Variants in CSMD1 observed in about 807,000 individuals in gnomAD.
CSMD1 encodes the protein CUB and sushi domain-containing protein 1.
Under a neutral mutation model 417.5 loss-of-function variants are expected in CSMD1, and 213 were observed. The observed-to-expected ratio is 0.51, with a 90% CI of 0.46 to 0.57. The LOEUF (loss-of-function observed/expected upper bound fraction) is 0.57. Among genes scored for constraint, CSMD1 ranks in the 20% least tolerant of loss-of-function variants. The probability of loss-of-function intolerance (pLI) is 0.00; values close to 1 mark genes in which losing one functional copy is unlikely to be tolerated. For missense variants in CSMD1, 6,923 were observed against 4,529.7 expected, an observed-to-expected ratio of 1.53 and a Z score of -15.17; for synonymous variants, 2,862 against 1,736.8, an observed-to-expected ratio of 1.65 and a Z score of -16.11.
chr8:4,270,028 ATTG>A (rs1404512629), intron 3 of CSMD1, among the ~76,000 whole-genome samples: 1 of 152,164 alleles, frequency 6.6e-6, no homozygotes, highest in African/African-American at 2.4e-5. Flanking sequence ...TCTGCAGTGT[ATTG>A]TTGTTTTATG....
chr8:3,745,941 G>C (rs1007084017), intron 6 of CSMD1, among the ~76,000 whole-genome samples: 8 of 152,196 alleles, frequency 5.3e-5, no homozygotes, highest in Non-Finnish European at 1.2e-4. Context: ...CGGGGGGAAA[G>C]GCCAGACTTC....
chr8:4,908,786 AT>A (rs1216658008), intron 1 of CSMD1, among the ~76,000 whole-genome samples: 1 of 151,968 alleles, frequency 6.6e-6, no homozygotes, highest in East Asian at 1.9e-4. Flanking sequence ...TGCATAGCTT[AT>A]CTGCTCTTAC....
chr8:3,305,427 T>G (rs958905951), intron 25 of CSMD1, among the ~76,000 whole-genome samples: 2 of 151,372 alleles, frequency 1.3e-5, no homozygotes, highest in African/African-American at 4.8e-5. Context: ...GTGGGAGCCC[T>G]TATGAGGTGA....
intron 3 of CSMD1, among the ~76,000 whole-genome samples, chr8:4,037,550 T>C (rs2740914): frequency 0.78 from 119,039 of 152,170 alleles, 46,992 homozygotes; most frequent in African/African-American, 0.89. Context: ...AAATCAGACA[T>C]AGCCTTTGCA....
rs1288274825 is a variant in CSMD1, at chr8:3,998,088, G to A, written c.633C>T (p.Thr211=). 1 of 1,579,372 alleles carries A rather than the reference G, an allele frequency of 6.3e-7. No homozygotes were observed. The highest frequency in any genetic ancestry group is 8.6e-7 in the Non-Finnish European group (1 of 1,161,832). Residue 211 remains threonine (T), a synonymous_variant, in exon 5 of 70, where the codon ACC becomes ACT. Transcript: ENST00000635120. ...AGATGGAGCTGCTGGTCCCGCGTAA[G>A]GTTCCTCCGCAGGCTCCCTCAGCTG... The part of the protein sequence containing the change: ...FCRAEGACGG[T]LRGTSSSISS...
intron 6 of CSMD1, among the ~76,000 whole-genome samples, chr8:3,735,894 A>G (rs1194074004): frequency 1.3e-5 from 2 of 152,188 alleles, no homozygotes; most frequent in Non-Finnish European, 1.5e-5. Flanking sequence ...TAGAGTTATA[A>G]ATAAAACAGA....
intron 6 of CSMD1, among the ~76,000 whole-genome samples, chr8:3,715,157 A>C (rs1337119453): frequency 6.6e-6 from 1 of 152,188 alleles, no homozygotes; most frequent in East Asian, 1.9e-4. Context: ...TTAAACACAC[A>C]TTTAATTATT....
intron 3 of CSMD1, among the ~76,000 whole-genome samples, chr8:4,132,134 C>A (rs924408025): frequency 6.6e-6 from 1 of 150,598 alleles, no homozygotes. Flanking sequence ...ACAGTAAGAA[C>A]GACATTTCTA....
chr8:4,740,741 A>C (rs551800881), intron 1 of CSMD1, among the ~76,000 whole-genome samples: 2 of 152,286 alleles, frequency 1.3e-5, no homozygotes, highest in Non-Finnish European at 2.9e-5. Flanking sequence ...CAATAGAGCA[A>C]GATCCTGTCT....
chr8:3,450,595 G>C (rs887877898), intron 12 of CSMD1, among the ~76,000 whole-genome samples: 1 of 150,798 alleles, frequency 6.6e-6, no homozygotes, highest in Non-Finnish European at 1.5e-5. Flanking sequence ...ATAGTTTCCT[G>C]AGAATCATGG....
chr8:3,171,926 A>G (rs536583416), intron 37 of CSMD1, among the ~76,000 whole-genome samples: 2 of 152,312 alleles, frequency 1.3e-5, no homozygotes, highest in East Asian at 3.9e-4. Flanking sequence ...TCAGAAACCC[A>G]CTGTGACTCA....
At chr8:4,898,911 A>G (rs1804680898) in intron 1 of CSMD1, among the ~76,000 whole-genome samples, 1 of 152,190 alleles carries the variant, frequency 6.6e-6, no homozygotes, top group Non-Finnish European at 1.5e-5. Context: ...GTTTAATAAG[A>G]TTAGATTTAG....
chr8:3,950,346 G>C (rs1302773936), intron 5 of CSMD1, among the ~76,000 whole-genome samples: 5 of 152,288 alleles, frequency 3.3e-5, no homozygotes, highest in East Asian at 1.9e-4. Context: ...ACTCTAGCTG[G>C]TCTGCATAAA....
At chr8:4,738,418 G>A (rs528003724) in intron 1 of CSMD1, among the ~76,000 whole-genome samples, 1 of 152,130 alleles carries the variant, frequency 6.6e-6, no homozygotes, top group African/African-American at 2.4e-5. Context: ...GAGAAGGGCT[G>A]AGCGAAGGGG....
intron 3 of CSMD1, among the ~76,000 whole-genome samples, chr8:4,363,556 T>C (rs1465701963): frequency 2.0e-5 from 3 of 152,138 alleles, no homozygotes; most frequent in African/African-American, 2.4e-5. Flanking sequence ...CTACTACAGA[T>C]TGTAGGAAAC....
At chr8:4,857,663 G>A (rs2116859895) in intron 1 of CSMD1, among the ~76,000 whole-genome samples, 1 of 152,180 alleles carries the variant, frequency 6.6e-6, no homozygotes, top group South Asian at 2.1e-4. Flanking sequence ...AGAAAATCTA[G>A]AAGAAATGGA....
intron 37 of CSMD1, among the ~76,000 whole-genome samples, chr8:3,179,850 G>A (rs1175704747): frequency 6.6e-6 from 1 of 152,166 alleles, no homozygotes; most frequent in East Asian, 1.9e-4. Context: ...CACTGAAGTA[G>A]TCCTCTTCAT....
intron 5 of CSMD1, among the ~76,000 whole-genome samples, chr8:3,961,458 T>C (rs1034844515): frequency 5.3e-5 from 8 of 152,184 alleles, no homozygotes; most frequent in African/African-American, 1.9e-4. Flanking sequence ...CAGATTTAAA[T>C]TAAAAATGAC....
In CSMD1 at chr8:3,801,052, T is replaced by A. The variant is rs186646445; in HGVS notation, c.819-47010A>T. 2.9e-4 allele frequency among the ~76,000 whole-genome samples: 44 copies of A among 151,634 alleles called. No homozygotes were observed. In the East Asian group the frequency reaches 7.0e-3, roughly 24 times the overall value. On this transcript the variant is annotated intron_variant, in intron 5 of 69. Transcript: ENST00000635120. Reference sequence around the variant, plus strand: ...AAAGAGTAAATCTTTATAACCGTGGTTGAGGCCATGCTTCCCTTGATATGA... The same window carrying A: ...AAAGAGTAAATCTTTATAACCGTGGATGAGGCCATGCTTCCCTTGATATGA...
Sources: allele counts gnomAD v4.1 joint callset (sites outside exome capture counted in the v4.1 genomes callset), GRCh38; gene constraint gnomAD v4.1.1; transcripts MANE v1.5; gene names NCBI Gene and HGNC (gene_info 2026-07-23, HGNC 2026-07-21).